Variants in HBS1L observed in about 807,000 individuals in gnomAD.
HBS1L encodes HBS1-like protein.
HBS1L carries 55 observed loss-of-function variants against 88.9 expected under a neutral mutation model. The observed-to-expected ratio is 0.62, with a 90% CI of 0.50 to 0.77. The LOEUF is 0.77. Among genes scored for constraint, HBS1L ranks in the 30% least tolerant of loss-of-function variants. HBS1L has a pLI of 0.00. For synonymous variants in HBS1L, 267 were observed against 288.5 expected (o/e 0.93, Z 0.76); for missense variants, 741 against 829.3 (o/e 0.89, Z 1.31).
chr6:135,039,755 G>A lies in HBS1L; in HGVS notation c.248C>T (p.Ser83Leu), dbSNP rs145923368. The change falls in exon 4 of 18, where the codon TCA (serine) becomes TTA (leucine). Residue 83 changes from serine (S) to leucine (L), a missense_variant. Around this residue, in one of 3 missense-constraint regions of HBS1L, gnomAD observed 556 missense variants for 598.4 expected, o/e 0.93. Coordinates refer to ENST00000367837, the MANE Select transcript of HBS1L (RefSeq NM_006620.4). The part of the protein sequence containing the change: ...LSGFDQARLY[S>L]CLDHMREVLG... ...TACCTCTCTCATGTGATCAAGGCAT[G>A]AATAAAGACGAGCTAGAAAAGACGA... 55 of 1,610,114 alleles carry A rather than the reference G, an allele frequency of 3.4e-5. No homozygotes were observed. The African/African-American group carries it at 6.4e-4, about 19-fold the overall frequency.
At chr6:134,965,646 C>T (rs1774291355) in intron 17 of HBS1L, among the ~76,000 whole-genome samples, 1 of 152,196 alleles carries the variant, frequency 6.6e-6, no homozygotes, top group African/African-American at 2.4e-5. Flanking sequence ...GAGGTAGATT[C>T]TATTATCCTA....
At chr6:135,043,312 G>A (rs1776807041) in intron 2 of HBS1L, among the ~76,000 whole-genome samples, 1 of 152,142 alleles carries the variant, frequency 6.6e-6, no homozygotes, top group South Asian at 2.1e-4. Flanking sequence ...ATTATTAGAG[G>A]TATTATCTAG....
At chr6:134,976,239 TAA>T (rs1774638994) in intron 15 of HBS1L, among the ~76,000 whole-genome samples, 1 of 152,066 alleles carries the variant, frequency 6.6e-6, no homozygotes, top group Non-Finnish European at 1.5e-5. Context: ...TGGCCATTAT[TAA>T]AAAGTCAAAA....
At chr6:135,028,552 A>ATT (rs894757500) in intron 4 of HBS1L, among the ~76,000 whole-genome samples, 4 of 152,282 alleles carry the variant, frequency 2.6e-5, no homozygotes, top group African/African-American at 9.6e-5. Context: ...ATCATTCTAA[A>ATT]TTTTTTGTAA....
intron 12 of HBS1L, chr6:134,983,565 C>G (rs1387183473): frequency 6.6e-6 from 1 of 152,116 alleles, no homozygotes; most frequent in South Asian, 2.1e-4. Context: ...ATGAGACACA[C>G]ACATGCAGAA....
chr6:135,032,861 A>G (rs917844387), intron 4 of HBS1L, among the ~76,000 whole-genome samples: 1 of 152,202 alleles, frequency 6.6e-6, no homozygotes. Context: ...AAAAGAGTAA[A>G]AGACAAGTTT....
chr6:135,017,341 A>T lies in HBS1L; in HGVS notation c.431-14499T>A, dbSNP rs74638082. Among the ~76,000 whole-genome samples, 110 of 152,316 alleles carry T rather than the reference A, an allele frequency of 7.2e-4. 2 individuals are homozygous for T. The highest frequency in any genetic ancestry group is 2.5e-3 in the African/African-American group (103 of 41,592). Reference sequence around the variant, plus strand: ...AGTTAATAAAAACTGTTGCCTAGGGATAATGTTCTTAAATGCAATCCAAAC... The same window carrying T: ...AGTTAATAAAAACTGTTGCCTAGGGTTAATGTTCTTAAATGCAATCCAAAC... On this transcript the variant is annotated intron_variant, in intron 4 of 17. Transcript: ENST00000367837.
At chr6:134,966,308 A>T in intron 17 of HBS1L, 21 bp downstream of exon 17, 2 of 1,596,266 alleles carry the variant, frequency 1.3e-6, no homozygotes, top group Non-Finnish European at 1.7e-6. Flanking sequence ...ATATATAATG[A>T]GTCACTTTAA....
rs967028265 is a variant in HBS1L, at chr6:134,962,642, T to C, written c.*2637A>G. On this transcript the variant is annotated 3_prime_UTR_variant, in exon 18 of 18. Coordinates refer to ENST00000367837, the MANE Select transcript of HBS1L (RefSeq NM_006620.4). ...GTAATGTGTTCAAGCCACATTATCCTAGAGGTTAACTGCTCAGAAGAATCT... is the reference window on the plus strand; with the variant it reads ...GTAATGTGTTCAAGCCACATTATCCCAGAGGTTAACTGCTCAGAAGAATCT... The C allele has an allele frequency of 2.0e-5, 3 of 152,242 alleles. No individual in the cohort carries two copies. The highest frequency in any genetic ancestry group is 7.2e-5 in the African/African-American group (3 of 41,466). 9.4% of individuals were successfully genotyped at this position (152,242 alleles called of 1,614,324 possible).
At chr6:135,002,526 AGAGT>A (rs1361174902) in intron 5 of HBS1L, 1 of 343,824 alleles carries the variant, frequency 2.9e-6, no homozygotes, top group Non-Finnish European at 5.4e-6. Flanking sequence ...GCAGTGAGGT[AGAGT>A]AAGTAATACA....
At chr6:134,976,577 A>G (rs1774653972) in intron 15 of HBS1L, among the ~76,000 whole-genome samples, 2 of 152,142 alleles carry the variant, frequency 1.3e-5, no homozygotes, top group African/African-American at 4.8e-5. Flanking sequence ...CAGCCATACA[A>G]GGGTAGAGAT....
In HBS1L at chr6:134,987,725, C is replaced by T; in HGVS notation, c.1150G>A (p.Gly384Arg). 6.2e-7 allele frequency: 1 copy of T among 1,607,766 alleles called. No homozygotes were observed. Among genetic ancestry groups the T allele is most frequent in the Non-Finnish European group, 8.5e-7 (1 of 1,176,986 alleles). The change falls in exon 9 of 18, where the codon GGA (glycine) becomes AGA (arginine). Residue 384 changes from glycine (G) to arginine (R), a missense_variant. Coordinates refer to ENST00000367837, the MANE Select transcript of HBS1L (RefSeq NM_006620.4). Reference sequence around the variant, plus strand: ...AAGAGTCCATGCTCTCGTGTTTGTCCTCCAGTCTCAAATCCAGCTTCAAAC... The same window carrying T: ...AAGAGTCCATGCTCTCGTGTTTGTCTTCCAGTCTCAAATCCAGCTTCAAAC... ...GEFEAGFETG[G>R]QTREHGLLVR... is the part of the protein sequence containing the mutation.
chr6:134,990,508 T>C (rs1775102485), intron 8 of HBS1L, among the ~76,000 whole-genome samples: 1 of 152,212 alleles, frequency 6.6e-6, no homozygotes, highest in African/African-American at 2.4e-5. Context: ...CTTTGTTACA[T>C]AATGGAATTC....
chr6:134,969,890 A>G (rs1774432556), intron 15 of HBS1L, among the ~76,000 whole-genome samples: 1 of 151,984 alleles, frequency 6.6e-6, no homozygotes, highest in Admixed American at 6.6e-5. Flanking sequence ...CAGATTAGAG[A>G]GGGGGATAAT....
Position 134,978,712 on chromosome 6 carries a change from A to G in HBS1L, c.1764T>C (p.Phe588=). The change falls in exon 15 of 18, where the codon TTT becomes TTC. Residue 588 remains phenylalanine (F), a synonymous_variant. Coordinates refer to ENST00000367837, the MANE Select transcript of HBS1L (RefSeq NM_006620.4). ...CTTTAGTGATAGGAATTTCAATATT[A>G]AAGATGAGGATTCGGGCTCTGAAAC... The part of the protein sequence containing the change: ...CTRFRARILI[F]NIEIPITKGF... 6.2e-7 allele frequency: 1 copy of G among 1,603,778 alleles called. No homozygotes were observed. The highest frequency in any genetic ancestry group is 1.1e-5 in the South Asian group (1 of 89,472).
At chr6:134,975,740 T>C (rs2114760630) in intron 15 of HBS1L, among the ~76,000 whole-genome samples, 1 of 152,200 alleles carries the variant, frequency 6.6e-6, no homozygotes, top group South Asian at 2.1e-4. Flanking sequence ...ACTGGATTCC[T>C]ATCTCTCACT....
At chr6:135,032,311 C>G (rs545703234) in intron 4 of HBS1L, among the ~76,000 whole-genome samples, 1 of 150,934 alleles carries the variant, frequency 6.6e-6, no homozygotes, top group South Asian at 2.1e-4. Context: ...TAATTTCTTT[C>G]AATGTAGCTT....
At chr6:135,033,788 T>A (rs1776454162) in intron 4 of HBS1L, among the ~76,000 whole-genome samples, 1 of 151,722 alleles carries the variant, frequency 6.6e-6, no homozygotes, top group Non-Finnish European at 1.5e-5. Flanking sequence ...CAGTGTAGAT[T>A]ACATAAGTAT....
chr6:134,991,442 A>G (rs1288597812), intron 8 of HBS1L, among the ~76,000 whole-genome samples: 2 of 152,218 alleles, frequency 1.3e-5, no homozygotes, highest in African/African-American at 4.8e-5. Context: ...TCCACAGTTG[A>G]CTGAATCCGT....
Sources: gnomAD v4.1 joint callset for allele counts (sites outside exome capture counted in the v4.1 genomes callset) on GRCh38, gnomAD v4.1.1 for gene constraint, gnomAD v4.1.1 regional missense constraint, MANE v1.5 for transcripts, NCBI Gene and HGNC (gene_info 2026-07-23, HGNC 2026-07-21) for gene names.